DMBT1: variants seen among roughly 807,000 people sequenced by gnomAD.
DMBT1 encodes scavenger receptor cysteine-rich domain-containing protein DMBT1.
A neutral mutation model predicts 252.9 loss-of-function variants in DMBT1; 198 were observed. The observed-to-expected ratio is 0.78, with a 90% CI of 0.70 to 0.88. The LOEUF is 0.88. DMBT1 is among the 40% of genes least tolerant of loss of function. The pLI is 0.00. For synonymous variants in DMBT1, 990 were observed against 942.7 expected (o/e 1.05, Z -0.92); for missense variants, 2,432 against 2,404.7 (o/e 1.01, Z -0.24).
At chr10:122,575,287 G>C (rs1285540786) in intron 6 of DMBT1, among the ~76,000 whole-genome samples, 3 of 152,186 alleles carry the variant, frequency 2.0e-5, no homozygotes, top group Non-Finnish European at 4.4e-5. Context: ...GTTCTGTATA[G>C]GTTACATGTA....
intron 46 of DMBT1, among the ~76,000 whole-genome samples, chr10:122,628,455 G>C (rs1380934045): frequency 2.0e-5 from 3 of 152,150 alleles, no homozygotes; most frequent in African/African-American, 7.2e-5. Flanking sequence ...GGACAACGTG[G>C]TGAAACCCTG....
intron 2 of DMBT1, among the ~76,000 whole-genome samples, chr10:122,568,601 C>T (rs2097626091): frequency 6.6e-6 from 1 of 152,168 alleles, no homozygotes; most frequent in Admixed American, 6.5e-5. Flanking sequence ...GCAGGTCTGC[C>T]TCTGAGGCTG....
In DMBT1 at chr10:122,570,223, T is replaced by C. The variant is rs1565561687; in HGVS notation, c.139+14T>C. ...CTGTAGCAGAAGGTAAGGTCTATTA[T>C]GGGGGAACCCTGTGGGCTCATTACC... On this transcript the variant is annotated intron_variant, in intron 3 of 55. Coordinates refer to ENST00000338354, the MANE Select transcript of DMBT1 (RefSeq NM_001377530.1). 1.3e-6 allele frequency: 2 copies of C among 1,572,430 alleles called. No individual in the cohort carries two copies. The highest frequency in any genetic ancestry group is 2.2e-5 in the South Asian group (2 of 90,094).
rs1844880685 is a variant in DMBT1 at position 122,643,192 on chromosome 10, G to A, written c.7423G>A (p.Ala2475Thr). 11 of 1,613,928 alleles carry A rather than the reference G, an allele frequency of 6.8e-6. No homozygotes were observed. Among genetic ancestry groups the A allele is most frequent in the Non-Finnish European group, 9.3e-6 (11 of 1,179,854 alleles). The change falls in exon 56 of 56, where the codon GCC (alanine) becomes ACC (threonine). Residue 2475 changes from alanine to threonine, a missense_variant. By Grantham distance (58) the Ala-to-Thr change is moderately conservative. This residue lies in a region of DMBT1 where 1,162 missense variants were observed against 1,169.0 expected (regional missense o/e 0.99). Transcript: ENST00000338354. ...TCGCATTGCCCGCTTCCGGTTCAGG[G>A]CCTTCCACTTCCTGAACCGCTTCCC... ...SLRIARFRFR[A>T]FHFLNRFPSV...
chr10:122,578,574 C>T (rs1200202686), intron 8 of DMBT1, 144 bp from the exon 9 acceptor site: 1 of 705,566 alleles, frequency 1.4e-6, no homozygotes, highest in Non-Finnish European at 2.6e-6. Context: ...GGGCAGGAGA[C>T]CTGGGCAGAC....
intron 47 of DMBT1, 81 bp downstream of exon 47, chr10:122,630,074 A>G (rs984361016): frequency 6.4e-6 from 10 of 1,571,136 alleles, no homozygotes; most frequent in African/African-American, 1.4e-5. Flanking sequence ...CTGGGCTGGG[A>G]TGCTTTTCAC....
At chr10:122,579,014 A>G (rs539190224) in intron 9 of DMBT1, among the ~76,000 whole-genome samples, 105 of 152,074 alleles carry the variant, frequency 6.9e-4, no homozygotes, top group African/African-American at 2.4e-3. Flanking sequence ...TTGCTTTTTC[A>G]TGTTTCTGTG....
chr10:122,572,512 G>A (rs2097674079), intron 5 of DMBT1, among the ~76,000 whole-genome samples, 151 bp downstream of exon 5: 1 of 152,252 alleles, frequency 6.6e-6, no homozygotes, highest in Admixed American at 6.5e-5. Context: ...TGCTGTGTAT[G>A]TGCAACTCTG....
At chr10:122,625,184 C>A (rs1216256422) in intron 44 of DMBT1, 93 bp from the exon 45 acceptor site, 5 of 1,250,754 alleles carry the variant, frequency 4.0e-6, no homozygotes, top group Non-Finnish European at 5.8e-6. Flanking sequence ...GGGAGCATTT[C>A]TAAGTGATGA....
At chr10:122,576,833 C>T in intron 7 of DMBT1, 111 bp downstream of exon 7, 1 of 1,361,792 alleles carries the variant, frequency 7.3e-7, no homozygotes, top group Non-Finnish European at 1.0e-6. Context: ...TCAAGACCAG[C>T]TCTAGGCAAG....
At chr10:122,632,621 A>G (rs2098174738) in intron 50 of DMBT1, among the ~76,000 whole-genome samples, 1 of 152,102 alleles carries the variant, frequency 6.6e-6, no homozygotes, top group Non-Finnish European at 1.5e-5. Context: ...GGCAGGGGCC[A>G]GACTTCCAGG....
chr10:122,579,759 C>T lies in DMBT1; in HGVS notation c.861C>T (p.Ala287=). ...GGGCCATGTCAGCCCCAGGAAATGCCCAGTTTGGCCAGGGCTCAGGACCCA... is the reference window on the plus strand; with the variant it reads ...GGGCCATGTCAGCCCCAGGAAATGCTCAGTTTGGCCAGGGCTCAGGACCCA... The part of the protein sequence containing the change: ...CGWAMSAPGN[A]QFGQGSGPIV... Residue 287 remains alanine, a synonymous_variant, in exon 10 of 56, where the codon GCC becomes GCT. Transcript: ENST00000338354. The T allele has an allele frequency of 6.2e-7, 1 of 1,613,790 alleles. No homozygotes were observed. Among genetic ancestry groups the T allele is most frequent in the Non-Finnish European group, 8.5e-7 (1 of 1,179,764 alleles).
At chr10:122,617,982 G>C (rs528921031) in intron 40 of DMBT1, 35 bp from the exon 41 acceptor site, 1 of 1,596,110 alleles carries the variant, frequency 6.3e-7, no homozygotes, top group Admixed American at 1.7e-5. Context: ...ACCTCCTGGT[G>C]GGGATGGATG....
rs200713568 is a variant in DMBT1 at position 122,586,237 on chromosome 10, A to G, written c.1637A>G (p.Asn546Ser). The G allele has an allele frequency of 1.7e-3, 2,633 of 1,588,936 alleles. 270 individuals are homozygous for G. Among genetic ancestry groups the G allele is most frequent in the Non-Finnish European group, 2.1e-3 (2,485 of 1,165,936 alleles). The change falls in exon 16 of 56, where the codon AAT (asparagine) becomes AGT (serine). Residue 546 changes from asparagine (N) to serine (S), a missense_variant. Asn to Ser is a conservative substitution (Grantham distance 46). Transcript: ENST00000338354. ...GCGWAMLAPG[N>S]ARFGQGSGPI... ...GGCTGGGCCATGTTGGCCCCAGGAA[A>G]TGCCCGGTTTGGTCAGGGCTCAGGA... is the stretch of plus-strand genomic sequence containing the variant.
At chr10:122,629,412 G>A (rs2133665563) in intron 46 of DMBT1, among the ~76,000 whole-genome samples, 1 of 152,328 alleles carries the variant, frequency 6.6e-6, no homozygotes, top group South Asian at 2.1e-4. Context: ...TGAATTGGCA[G>A]AGTCCTGTGC....
At chr10:122,628,216 T>C (rs999697148) in intron 46 of DMBT1, among the ~76,000 whole-genome samples, 4 of 152,216 alleles carry the variant, frequency 2.6e-5, no homozygotes, top group African/African-American at 9.6e-5. Context: ...GAAACTTGTA[T>C]GTGAATGTTC....
intron 19 of DMBT1, 91 bp from the exon 20 acceptor site, chr10:122,592,181 T>C: frequency 6.5e-7 from 1 of 1,532,758 alleles, no homozygotes; most frequent in Admixed American, 1.8e-5. Context: ...CAGGCGACCT[T>C]GGCCATTAGG....
At chr10:122,624,359 G>C (rs1289491660) in intron 44 of DMBT1, among the ~76,000 whole-genome samples, 2 of 152,148 alleles carry the variant, frequency 1.3e-5, no homozygotes, top group Non-Finnish European at 1.5e-5. Context: ...AGTTGATGAA[G>C]AACATCAACT....
intron 24 of DMBT1, among the ~76,000 whole-genome samples, chr10:122,597,344 A>C (rs3013250): frequency 2.0e-4 from 31 of 152,240 alleles, no homozygotes; most frequent in East Asian, 5.8e-4. Context: ...TAGCTTTGGC[A>C]CTTTTCTATT....
Sources: gnomAD v4.1 joint callset for allele counts (sites outside exome capture counted in the v4.1 genomes callset) on GRCh38, gnomAD v4.1.1 for gene constraint, gnomAD v4.1.1 regional missense constraint, MANE v1.5 for transcripts, NCBI Gene and HGNC (gene_info 2026-07-23, HGNC 2026-07-21) for gene names.